The following CTTNBP2 variants were observed in gnomAD, a reference collection of about 807,000 sequenced individuals.
The protein encoded by CTTNBP2 is cortactin-binding protein 2.
A neutral mutation model predicts 156.9 loss-of-function variants in CTTNBP2; 108 were observed. The observed-to-expected ratio is 0.69, with a 90% CI of 0.59 to 0.81. The LOEUF (loss-of-function observed/expected upper bound fraction) is 0.81. Among genes scored for constraint, CTTNBP2 ranks in the 30% least tolerant of loss-of-function variants. The pLI is 0.00. For missense variants in CTTNBP2, 1,924 were observed against 2,035.4 expected, an observed-to-expected ratio of 0.95 and a Z score of 1.05; for synonymous variants, 767 against 751.8, an observed-to-expected ratio of 1.02 and a Z score of -0.33.
intron 8 of CTTNBP2, among the ~76,000 whole-genome samples, chr7:117,775,019 A>G (rs1270125823): frequency 1.3e-5 from 2 of 152,158 alleles, no homozygotes; most frequent in Admixed American, 1.3e-4. Flanking sequence ...TATATTTTCC[A>G]ATATCTTTGA....
intron 16 of CTTNBP2, among the ~76,000 whole-genome samples, chr7:117,732,153 C>A (rs530657918): frequency 6.6e-6 from 1 of 151,902 alleles, no homozygotes; most frequent in Non-Finnish European, 1.5e-5. Context: ...GCTAACGTCA[C>A]CAAAATGTAC....
intron 2 of CTTNBP2, among the ~76,000 whole-genome samples, chr7:117,831,882 GC>G (rs1440015591): frequency 2.0e-5 from 3 of 151,950 alleles, no homozygotes; most frequent in African/African-American, 7.3e-5. Context: ...CCGTTTCTTT[GC>G]CCCTCTCTAA....
chr7:117,801,958 C>T (rs1461726164), intron 3 of CTTNBP2, among the ~76,000 whole-genome samples: 2 of 151,072 alleles, frequency 1.3e-5, no homozygotes, highest in Non-Finnish European at 3.0e-5. Flanking sequence ...GCACATTGTG[C>T]AGGTTAGTTA....
chr7:117,833,768 A>G (rs1206711319), intron 2 of CTTNBP2, among the ~76,000 whole-genome samples: 2 of 152,210 alleles, frequency 1.3e-5, no homozygotes, highest in African/African-American at 4.8e-5. Flanking sequence ...TATTGTGAGC[A>G]CTTTACCTAG....
chr7:117,800,717 C>G (rs1489427817), intron 3 of CTTNBP2, among the ~76,000 whole-genome samples: 2 of 151,950 alleles, frequency 1.3e-5, no homozygotes, highest in South Asian at 2.1e-4. Context: ...TACTCTATGG[C>G]TTGGAATTAG....
chr7:117,711,791 G>A lies in CTTNBP2; in HGVS notation c.4747-9C>T, dbSNP rs774600804. ...CTGAGAGGACTGACCTCCTGTAAGAGACAAGAAACCACACAAGTTTATCAC... is the reference window on the plus strand; with the variant it reads ...CTGAGAGGACTGACCTCCTGTAAGAAACAAGAAACCACACAAGTTTATCAC... On this transcript the variant is annotated splice_polypyrimidine_tract_variant and intron_variant, in intron 22 of 22. Transcript: ENST00000160373. The A allele has an allele frequency of 3.0e-5, 48 of 1,602,522 alleles. No individual in the cohort carries two copies. In the South Asian group the frequency reaches 3.6e-4, roughly 12 times the overall value.
rs1418878250 is a variant in CTTNBP2 at position 117,861,282 on chromosome 7, G to T, written c.116C>A (p.Ser39Tyr). 22 of 1,613,280 alleles carry T rather than the reference G, an allele frequency of 1.4e-5. No individual in the cohort carries two copies. Among genetic ancestry groups the T allele is most frequent in the Non-Finnish European group, 1.8e-5 (21 of 1,179,750 alleles). ...CACGCTGAGGAGCATCCGCAGCTCGGATTTACTGAGAGTATCCACATCAAA... is the reference window on the plus strand; with the variant it reads ...CACGCTGAGGAGCATCCGCAGCTCGTATTTACTGAGAGTATCCACATCAAA... The part of the protein sequence containing the change: ...KEFDVDTLSK[S>Y]ELRMLLSVME... The change falls in exon 2 of 23, where the codon TCC becomes TAC. Residue 39 changes from serine (S) to tyrosine (Y), a missense_variant. Physicochemically the swap from Ser to Tyr is moderately radical, Grantham distance 144. Transcript: ENST00000160373.
intron 1 of CTTNBP2, among the ~76,000 whole-genome samples, chr7:117,863,406 GCTC>G (rs1803903056): frequency 6.6e-6 from 1 of 152,170 alleles, no homozygotes; most frequent in African/African-American, 2.4e-5. Context: ...CTCAGTTTCT[GCTC>G]CTACTACACA....
chr7:117,838,967 C>CG (rs67694603), intron 2 of CTTNBP2, among the ~76,000 whole-genome samples: 9,619 of 94,626 alleles, frequency 0.1, 474 homozygotes, highest in East Asian at 0.25. Context: ...ATTGCGGGGG[C>CG]GGGGGGGGGG....
chr7:117,732,881 GC>G (rs1795482250), intron 16 of CTTNBP2, among the ~76,000 whole-genome samples: 1 of 151,984 alleles, frequency 6.6e-6, no homozygotes, highest in African/African-American at 2.4e-5. Flanking sequence ...ACTATCTGAG[GC>G]TTTGGGATCT....
chr7:117,731,501 C>T (rs984492921), intron 16 of CTTNBP2, among the ~76,000 whole-genome samples: 15 of 152,206 alleles, frequency 9.9e-5, no homozygotes. Flanking sequence ...GTGAGAGGAA[C>T]CCGGTCTTGT....
intron 14 of CTTNBP2, among the ~76,000 whole-genome samples, chr7:117,737,257 T>C (rs971397469): frequency 6.6e-6 from 1 of 152,328 alleles, no homozygotes; most frequent in African/African-American, 2.4e-5. Flanking sequence ...GAGAAATCCG[T>C]AGTTGGTGAA....
chr7:117,757,821 G>T, intron 11 of CTTNBP2, 54 bp downstream of exon 11: 1 of 1,197,122 alleles, frequency 8.4e-7, no homozygotes, highest in African/African-American at 1.5e-5. Flanking sequence ...GTGCTCTGAG[G>T]CAGCCATGAA....
intron 2 of CTTNBP2, among the ~76,000 whole-genome samples, chr7:117,811,508 G>A (rs1448044058): frequency 2.0e-5 from 3 of 152,028 alleles, no homozygotes; most frequent in African/African-American, 7.2e-5. Flanking sequence ...TCACTTTGTT[G>A]TCCAGGCTGG....
chr7:117,716,691 T>C (rs1446670779), intron 22 of CTTNBP2, among the ~76,000 whole-genome samples: 1 of 152,122 alleles, frequency 6.6e-6, no homozygotes, highest in Admixed American at 6.6e-5. Flanking sequence ...TATGATAGAG[T>C]GAGCTTGAAA....
At chr7:117,797,948 C>G (rs1318598136) in intron 3 of CTTNBP2, among the ~76,000 whole-genome samples, 2 of 152,066 alleles carry the variant, frequency 1.3e-5, no homozygotes, top group African/African-American at 4.8e-5. Flanking sequence ...CTTACAAATC[C>G]AGGAAGCTCA....
At chr7:117,836,023 G>T (rs1446818258) in intron 2 of CTTNBP2, among the ~76,000 whole-genome samples, 1 of 152,164 alleles carries the variant, frequency 6.6e-6, no homozygotes, top group Non-Finnish European at 1.5e-5. Flanking sequence ...ACAAGGAAAA[G>T]TGTCGAGTTC....
chr7:117,801,402 A>C (rs1030000122), intron 3 of CTTNBP2, among the ~76,000 whole-genome samples: 1 of 152,234 alleles, frequency 6.6e-6, no homozygotes, highest in African/African-American at 2.4e-5. Flanking sequence ...CTCTTCAGAA[A>C]TATCAGGGTA....
intron 1 of CTTNBP2, among the ~76,000 whole-genome samples, chr7:117,862,808 T>C (rs1202572933): frequency 2.6e-5 from 4 of 152,206 alleles, no homozygotes; most frequent in Non-Finnish European, 4.4e-5. Flanking sequence ...TACACCATAT[T>C]GCCACCTCCA....
Sources: allele counts gnomAD v4.1 joint callset (sites outside exome capture counted in the v4.1 genomes callset), GRCh38; gene constraint gnomAD v4.1.1; transcripts MANE v1.5; gene names NCBI Gene and HGNC (gene_info 2026-07-23, HGNC 2026-07-21).